Variants in KCNK9 observed in about 807,000 individuals in gnomAD.
KCNK9 encodes the protein potassium channel subfamily K member 9.
Under a neutral mutation model 10.8 loss-of-function variants are expected in KCNK9, and 1 was observed. That is an observed-to-expected ratio of 0.09 (90% confidence interval 0.03 to 0.44). The LOEUF is 0.44. Among genes scored for constraint, KCNK9 ranks in the 20% least tolerant of loss-of-function variants. The pLI is 0.97. For missense variants in KCNK9, 303 were observed against 515.0 expected (o/e 0.59, Z 3.98); for synonymous variants, 231 against 222.7 (o/e 1.04, Z -0.33).
chr8:139,671,851 G>C (rs999704604), intron 1 of KCNK9, among the ~76,000 whole-genome samples: 1 of 152,102 alleles, frequency 6.6e-6, no homozygotes, highest in Non-Finnish European at 1.5e-5. Context: ...GTGAGCCACC[G>C]CACCCGGCCA....
chr8:139,674,752 C>T (rs1196879153), intron 1 of KCNK9, among the ~76,000 whole-genome samples: 5 of 152,154 alleles, frequency 3.3e-5, no homozygotes, highest in Admixed American at 3.3e-4. Flanking sequence ...GTCACTAAAG[C>T]CAAGCACCCC....
At chr8:139,665,674 T>C (rs1312843135) in intron 1 of KCNK9, among the ~76,000 whole-genome samples, 1 of 152,244 alleles carries the variant, frequency 6.6e-6, no homozygotes, top group East Asian at 1.9e-4. Flanking sequence ...ACCCTGCTCC[T>C]GACAGCTAAC....
At chr8:139,695,161 G>C (rs902443081) in intron 1 of KCNK9, among the ~76,000 whole-genome samples, 2 of 152,180 alleles carry the variant, frequency 1.3e-5, no homozygotes, top group Admixed American at 6.5e-5. Flanking sequence ...TGCAAGACAG[G>C]GACACTTTTG....
At chr8:139,688,857 C>T (rs1816876666) in intron 1 of KCNK9, among the ~76,000 whole-genome samples, 1 of 152,192 alleles carries the variant, frequency 6.6e-6, no homozygotes, top group Admixed American at 6.5e-5. Context: ...CTTTCATCTC[C>T]CTGATCTCGC....
At chr8:139,682,560 A>G (rs1361207333) in intron 1 of KCNK9, among the ~76,000 whole-genome samples, 1 of 152,198 alleles carries the variant, frequency 6.6e-6, no homozygotes. Flanking sequence ...TGCATGGGAC[A>G]GGGGTGGAAA....
At chr8:139,694,687 C>A (rs1817010432) in intron 1 of KCNK9, among the ~76,000 whole-genome samples, 1 of 152,242 alleles carries the variant, frequency 6.6e-6, no homozygotes, top group South Asian at 2.1e-4. Flanking sequence ...AACATTCCAC[C>A]CATCACCTGC....
At position 139,648,789 on chromosome 8, in the gene KCNK9, C is replaced by T. The variant is rs571085683; in HGVS notation, c.284-29690G>A. Among the ~76,000 whole-genome samples, 23 of 152,338 alleles carry T rather than the reference C, an allele frequency of 1.5e-4. No homozygotes were observed. The South Asian group carries it at 3.9e-3, about 26-fold the overall frequency. On this transcript the variant is annotated intron_variant, in intron 1 of 1. Coordinates refer to ENST00000520439, the MANE Select transcript of KCNK9 (RefSeq NM_001282534.2). Reference sequence around the variant, plus strand: ...AGAGTCAGCTGGCACTGGGTAGCACCGGACGCCAATGACACGTGCCGTGGG... The same window carrying T: ...AGAGTCAGCTGGCACTGGGTAGCACTGGACGCCAATGACACGTGCCGTGGG...
intron 2 of KCNK9, among the ~76,000 whole-genome samples, chr8:139,605,745 G>A (rs568447697): frequency 3.3e-5 from 5 of 152,162 alleles, no homozygotes; most frequent in Middle Eastern, 3.2e-3. Flanking sequence ...ACAGGGCTGC[G>A]TACCGCACTC....
At chr8:139,620,542 C>T (rs761128639) in intron 1 of KCNK9, among the ~76,000 whole-genome samples, 33 of 152,084 alleles carry the variant, frequency 2.2e-4, no homozygotes, top group African/African-American at 7.2e-4. Context: ...CTGCCTCTGA[C>T]GGCTCTAGCT....
In KCNK9 at chr8:139,617,539, CATTAAT is replaced by C. The variant is rs1455325243; in HGVS notation, c.*713_*718del. On this transcript the variant is annotated 3_prime_UTR_variant, in exon 2 of 2. Transcript: ENST00000520439. ...GTCTTGCCCACCCGCCCCTAAAAAA[CATTAAT>C]ATAATTTAGAACCTAGCATTTAGAA... is the stretch of plus-strand genomic sequence containing the variant. 3.9e-5 allele frequency among the ~76,000 whole-genome samples: 6 copies of C among 152,106 alleles called. No homozygotes were observed. The highest frequency in any genetic ancestry group is 1.4e-4 in the African/African-American group (6 of 41,404).
intron 1 of KCNK9, among the ~76,000 whole-genome samples, chr8:139,700,085 A>G (rs1415175564): frequency 2.0e-5 from 3 of 151,276 alleles, no homozygotes; most frequent in African/African-American, 7.3e-5. Context: ...TTAAAAAAAG[A>G]AAAAAAAACA....
intron 2 of KCNK9, among the ~76,000 whole-genome samples, chr8:139,605,869 GC>G (rs909361739): frequency 6.6e-6 from 1 of 152,208 alleles, no homozygotes; most frequent in Non-Finnish European, 1.5e-5. Context: ...TATTAGGTAA[GC>G]TGTGACAATA....
At chr8:139,660,928 C>T (rs567397473) in intron 1 of KCNK9, among the ~76,000 whole-genome samples, 62 of 152,314 alleles carry the variant, frequency 4.1e-4, no homozygotes, top group African/African-American at 1.4e-3. Flanking sequence ...TGTCCTCTGG[C>T]CATGGGAGCA....
chr8:139,699,846 T>C (rs1817157466), intron 1 of KCNK9, among the ~76,000 whole-genome samples: 1 of 152,198 alleles, frequency 6.6e-6, no homozygotes, highest in Non-Finnish European at 1.5e-5. Context: ...GAAGAAGCCT[T>C]CATTCGTGGC....
intron 2 of KCNK9, among the ~76,000 whole-genome samples, chr8:139,605,497 A>G (rs915201174): frequency 6.6e-6 from 1 of 152,218 alleles, no homozygotes; most frequent in Admixed American, 6.5e-5. Flanking sequence ...GAAGACCAAG[A>G]GCAAACAGGG....
At chr8:139,658,412 C>T (rs1417299015) in intron 1 of KCNK9, among the ~76,000 whole-genome samples, 1 of 152,152 alleles carries the variant, frequency 6.6e-6, no homozygotes, top group African/African-American at 2.4e-5. Flanking sequence ...TCCAGAACAC[C>T]CCACAATGTT....
chr8:139,663,722 A>T (rs1816228018), intron 1 of KCNK9, among the ~76,000 whole-genome samples: 1 of 151,396 alleles, frequency 6.6e-6, no homozygotes, highest in Non-Finnish European at 1.5e-5. Flanking sequence ...CTTTTGTGCC[A>T]ATTCCAGCCT....
chr8:139,613,003 CAAT>C (rs1232156917), downstream of KCNK9, among the ~76,000 whole-genome samples: 23 of 152,196 alleles, frequency 1.5e-4, no homozygotes, highest in Non-Finnish European at 3.4e-4. Flanking sequence ...ATTTTAGACT[CAAT>C]AAGCTCTTGG....
rs138920321 is a variant in KCNK9 at position 139,649,652 on chromosome 8, C to T, written c.284-30553G>A. ...CCTGCTCAAAAGCCTTCAATGGCTC[C>T]CCAGTACCTGCAAGACAACAGGGTC... On this transcript the variant is annotated intron_variant, in intron 1 of 1. Transcript: ENST00000520439. 2.2e-3 allele frequency among the ~76,000 whole-genome samples: 340 copies of T among 152,316 alleles called. 1 individual carries two copies. Among genetic ancestry groups the T allele is most frequent in the African/African-American group, 7.5e-3 (310 of 41,576 alleles).
Sources: allele counts gnomAD v4.1 joint callset (sites outside exome capture counted in the v4.1 genomes callset), GRCh38; gene constraint gnomAD v4.1.1; transcripts MANE v1.5; gene names NCBI Gene and HGNC (gene_info 2026-07-23, HGNC 2026-07-21).